DNAJC17: variants seen among roughly 807,000 people sequenced by gnomAD.
DNAJC17 encodes the protein DnaJ heat shock protein family (Hsp40) member C17, also known as dnaJ homolog subfamily C member 17.
A neutral mutation model predicts 48.1 loss-of-function variants in DNAJC17; 35 were observed. That is an observed-to-expected ratio of 0.73 (90% confidence interval 0.56 to 0.96). The LOEUF (loss-of-function observed/expected upper bound fraction) is 0.96, where lower values mean the gene tolerates loss of function less well. DNAJC17 is among the 50% of genes least tolerant of loss of function. The pLI, the probability that DNAJC17 is intolerant of heterozygous loss-of-function variation, is 0.00. For synonymous variants in DNAJC17, 117 were observed against 142.7 expected (o/e 0.82, Z 1.28); for missense variants, 355 against 377.1 (o/e 0.94, Z 0.48).
At position 40,767,115 on chromosome 15, in the gene DNAJC17, G is replaced by T. The variant is rs575129891; in HGVS notation, c.*825C>A. 5.1e-6 allele frequency: 6 copies of T among 1,165,802 alleles called. No individual in the cohort carries two copies. Among genetic ancestry groups the T allele is most frequent in the Admixed American group, 3.0e-5 (1 of 33,258 alleles). The allele number at this position is 1,165,802 out of a possible 1,614,324, so 72.2% of individuals were successfully genotyped here. A position where few individuals can be genotyped will look rare whatever the true frequency, so the allele number is the denominator to read the frequency against. Reference sequence around the variant, plus strand: ...TACCCCAGCGCCCAGCAAGCAGCCAGCAAGTGTGAGTCACTACAAGAGTGG... The same window carrying T: ...TACCCCAGCGCCCAGCAAGCAGCCATCAAGTGTGAGTCACTACAAGAGTGG... On this transcript the variant is annotated 3_prime_UTR_variant, in exon 11 of 11. Transcript: ENST00000220496.
intron 1 of DNAJC17, among the ~76,000 whole-genome samples, chr15:40,801,968 C>T (rs1419134980): frequency 6.6e-6 from 1 of 151,798 alleles, no homozygotes; most frequent in Admixed American, 6.6e-5. Context: ...GTGGTGGAGA[C>T]AGAGAGGGTG....
intron 1 of DNAJC17, among the ~76,000 whole-genome samples, chr15:40,791,949 C>T (rs573707764): frequency 2.0e-5 from 3 of 152,326 alleles, no homozygotes; most frequent in South Asian, 2.1e-4. Flanking sequence ...CCTTTGGAGA[C>T]AGCAGATTAC....
chr15:40,776,372 G>T, intron 5 of DNAJC17, 80 bp from the exon 6 acceptor site: 1 of 1,500,708 alleles, frequency 6.7e-7, no homozygotes. Flanking sequence ...GTCCTTGGGA[G>T]CTTCCACCTG....
intron 10 of DNAJC17, chr15:40,771,222 C>T (rs564914328): frequency 1.6e-6 from 1 of 618,974 alleles, no homozygotes; most frequent in East Asian, 2.8e-5. Flanking sequence ...CCAGGCACCC[C>T]AGAGTGGAGG....
At chr15:40,780,843 T>A (rs1004103992) in intron 1 of DNAJC17, among the ~76,000 whole-genome samples, 17 of 146,374 alleles carry the variant, frequency 1.2e-4, no homozygotes, top group Non-Finnish European at 2.4e-4. Context: ...AAATAAAAAA[T>A]AAAATAAAAG....
chr15:40,797,347 GC>G (rs1192416127), intron 1 of DNAJC17, among the ~76,000 whole-genome samples: 1 of 152,120 alleles, frequency 6.6e-6, no homozygotes, highest in Non-Finnish European at 1.5e-5. Context: ...TCCAGCCTGG[GC>G]AATAGAGCGA....
chr15:40,784,100 G>A (rs914120204), intron 1 of DNAJC17, among the ~76,000 whole-genome samples: 2 of 152,086 alleles, frequency 1.3e-5, no homozygotes, highest in African/African-American at 4.8e-5. Flanking sequence ...GGTGGCACAC[G>A]CCTGTAGTCC....
intron 1 of DNAJC17, among the ~76,000 whole-genome samples, chr15:40,789,217 G>A (rs1009564011): frequency 3.3e-5 from 5 of 152,116 alleles, no homozygotes; most frequent in Non-Finnish European, 5.9e-5. Context: ...GACCACACAC[G>A]GAGCCTGGCC....
At chr15:40,792,880 C>A (rs1291610337) in intron 1 of DNAJC17, among the ~76,000 whole-genome samples, 2 of 151,432 alleles carry the variant, frequency 1.3e-5, no homozygotes, top group African/African-American at 2.4e-5. Context: ...CAGTAAATGA[C>A]CATGAAGATC....
intron 1 of DNAJC17, among the ~76,000 whole-genome samples, chr15:40,794,314 C>T (rs2141960417): frequency 6.6e-6 from 1 of 151,422 alleles, no homozygotes; most frequent in Non-Finnish European, 1.5e-5. Context: ...TGTGCCACTG[C>T]ACTCCAGCCT....
rs369195897 is a variant in DNAJC17, at chr15:40,765,871, G to A, written c.*2069C>T. 4.4e-6 allele frequency: 7 copies of A among 1,586,088 alleles called. No individual in the cohort carries two copies. The African/African-American group carries it at 6.7e-5, about 15-fold the overall frequency. On this transcript the variant is annotated 3_prime_UTR_variant, in exon 11 of 11. Coordinates refer to ENST00000220496, the MANE Select transcript of DNAJC17 (RefSeq NM_018163.3). ...TGGGCGATGAACAGTCGGATCCAGA[G>A]CTGATGCAGCATCTGGGGGCTTCAA...
In DNAJC17 at chr15:40,802,142, T is replaced by C. The variant is rs1416370546; in HGVS notation, c.78+5227A>G. 2.0e-5 allele frequency among the ~76,000 whole-genome samples: 3 copies of C among 151,480 alleles called. No homozygotes were observed. In the East Asian group the frequency reaches 5.8e-4, roughly 29 times the overall value. On this transcript the variant is annotated intron_variant, in intron 1 of 10. Transcript: ENST00000220496. ...TGGGGAAATCCAAGGAAGGAGCAGG[T>C]TTGGAGAGAGAATTGAAAGAGTTCA...
At chr15:40,789,597 G>A (rs1158701706) in intron 1 of DNAJC17, among the ~76,000 whole-genome samples, 1 of 151,896 alleles carries the variant, frequency 6.6e-6, no homozygotes, top group African/African-American at 2.4e-5. Flanking sequence ...CCCACTGCCT[G>A]CTGTCACTCT....
At chr15:40,807,334 C>T (rs371715684) in intron 1 of DNAJC17, 35 bp downstream of exon 1, 24 of 1,614,158 alleles carry the variant, frequency 1.5e-5, no homozygotes, top group Non-Finnish European at 1.9e-5. Context: ...ACCGCCAGAC[C>T]TCTCAAGATC....
At chr15:40,794,166 A>G (rs913125863) in intron 1 of DNAJC17, among the ~76,000 whole-genome samples, 1 of 151,958 alleles carries the variant, frequency 6.6e-6, no homozygotes, top group African/African-American at 2.4e-5. Context: ...CCTGACCAAT[A>G]TGGTGAAATC....
At chr15:40,786,058 C>T (rs1889633165) in intron 1 of DNAJC17, among the ~76,000 whole-genome samples, 1 of 152,228 alleles carries the variant, frequency 6.6e-6, no homozygotes, top group Non-Finnish European at 1.5e-5. Flanking sequence ...GTCCAGCCCT[C>T]CTGGAGTTGA....
chr15:40,779,441 C>T, intron 3 of DNAJC17, 104 bp downstream of exon 3: 4 of 1,568,110 alleles, frequency 2.6e-6, no homozygotes, highest in Middle Eastern at 1.7e-4. Flanking sequence ...TGGGCTTAGA[C>T]AGCAAGGACT....
rs763390092 is a variant in DNAJC17 at position 40,768,056 on chromosome 15, CTG to C, written c.797_798del (p.Ser266CysfsTer103). 6.4e-7 allele frequency: 1 copy of C among 1,567,530 alleles called. No individual in the cohort carries two copies. Among genetic ancestry groups the C allele is most frequent in the Non-Finnish European group, 8.6e-7 (1 of 1,159,604 alleles). ...CTCTCGTAGTCCCTCTCTGACAGCA[CTG>C]AGCCCTGTCGGACAGGGCAGGGACA... ...GRSHSGLSKG[S>X]VLSERDYESL... On this transcript the variant is annotated frameshift_variant, in exon 11 of 11. Coordinates refer to ENST00000220496, the MANE Select transcript of DNAJC17 (RefSeq NM_018163.3). LOFTEE classifies it high-confidence loss of function.
chr15:40,796,307 T>C (rs773880990), intron 1 of DNAJC17, among the ~76,000 whole-genome samples: 8 of 152,188 alleles, frequency 5.3e-5, no homozygotes, highest in Non-Finnish European at 7.3e-5. Flanking sequence ...CAAATGGGCA[T>C]GTACTATAAG....
Sources: allele counts gnomAD v4.1 joint callset (sites outside exome capture counted in the v4.1 genomes callset), GRCh38; gene constraint gnomAD v4.1.1; transcripts MANE v1.5; gene names NCBI Gene and HGNC (gene_info 2026-07-23, HGNC 2026-07-21).